FPGS: variants seen among roughly 807,000 people sequenced by gnomAD.
FPGS encodes folylpolyglutamate synthase, mitochondrial.
In FPGS, 53 loss-of-function variants were observed where a neutral mutation model predicts 66.5. That is an observed-to-expected ratio of 0.80 (90% CI 0.64 to 1.00). FPGS has a LOEUF of 1.00. Among genes scored for constraint, FPGS ranks in the 50% least tolerant of loss-of-function variants. The pLI, the probability that FPGS is intolerant of heterozygous loss-of-function variation, is 0.00. For synonymous variants in FPGS, 348 were observed against 350.9 expected (o/e 0.99, Z 0.09); for missense variants, 702 against 807.7 (o/e 0.87, Z 1.59).
At chr9:127,811,554 C>G (rs771290875) in intron 14 of FPGS, among the ~76,000 whole-genome samples, 2 of 152,144 alleles carry the variant, frequency 1.3e-5, no homozygotes, top group Non-Finnish European at 2.9e-5. Context: ...GGCACAATCT[C>G]AGCTCACTGC....
intron 4 of FPGS, among the ~76,000 whole-genome samples, chr9:127,805,760 A>G (rs1327525762): frequency 1.3e-5 from 2 of 152,208 alleles, no homozygotes; most frequent in African/African-American, 4.8e-5. Context: ...AAGGTCTCCT[A>G]GGCGGGCTGC....
intron 14 of FPGS, 66 bp from the exon 15 acceptor site, chr9:127,813,129 C>G (rs1830152084): frequency 1.2e-5 from 18 of 1,500,928 alleles, no homozygotes; most frequent in East Asian, 2.3e-5. Context: ...GCACCCGCCC[C>G]TTTCTCCACC....
intron 14 of FPGS, 95 bp downstream of exon 14, chr9:127,811,106 A>G: frequency 1.5e-6 from 1 of 662,200 alleles, no homozygotes; most frequent in Non-Finnish European, 2.7e-6. Context: ...TAGGAAATAA[A>G]TTTGTTTTAC....
chr9:127,804,795 G>T (rs1427260406), intron 4 of FPGS, 95 bp downstream of exon 4: 12 of 1,156,808 alleles, frequency 1.0e-5, no homozygotes, highest in Non-Finnish European at 1.6e-5. Context: ...TCACCCCCAG[G>T]AGGTCAGCTG....
chr9:127,808,504 G>A, intron 9 of FPGS, 54 bp from the exon 10 acceptor site: 1 of 1,603,474 alleles, frequency 6.2e-7, no homozygotes, highest in East Asian at 2.3e-5. Flanking sequence ...AGATGCAAGG[G>A]CTGACGTGGT....
At chr9:127,810,369 G>T (rs892829418) in intron 13 of FPGS, among the ~76,000 whole-genome samples, 1 of 151,942 alleles carries the variant, frequency 6.6e-6, no homozygotes, top group Non-Finnish European at 1.5e-5. Context: ...CTCTGGACTC[G>T]CTTGTCATGC....
intron 13 of FPGS, 121 bp downstream of exon 13, chr9:127,810,227 G>T: frequency 5.9e-6 from 5 of 842,792 alleles, no homozygotes; most frequent in South Asian, 4.8e-5. Context: ...ATGTGACAAG[G>T]TGCCTGTGCT....
rs572606787 is a variant in FPGS, at chr9:127,806,234, G to A, written c.387-739G>A. ...AAATACCAAAAAATTGGCTGGGCAC[G>A]GTGGCTCATGCCTGTAATCCCAGCA... On this transcript the variant is annotated intron_variant, in intron 4 of 14. Transcript: ENST00000373247. Among the ~76,000 whole-genome samples, 4 of 152,264 alleles carry A rather than the reference G, an allele frequency of 2.6e-5. No individual in the cohort carries two copies. In the East Asian group the frequency reaches 5.8e-4, roughly 22 times the overall value.
At position 127,808,263 on chromosome 9, in the gene FPGS, A is replaced by T. The variant is rs1319257807; in HGVS notation, c.774A>T (p.Gln258His). ...KQGVPAFTVL[Q>H]PEGPLAVLRD... ...GTGTCCCTGCCTTCACTGTGCTCCA[A>T]CCTGAAGGTCCCCTGGCAGTGCTGA... Residue 258 changes from glutamine (Q) to histidine (H), a missense_variant, in exon 9 of 15, where the codon CAA (glutamine) becomes CAT (histidine). By Grantham distance (24) the Gln-to-His change is conservative (BLOSUM62 0). Around this residue, in one of 3 missense-constraint regions of FPGS, gnomAD observed 240 missense variants for 348.6 expected, o/e 0.69. Coordinates refer to ENST00000373247, the MANE Select transcript of FPGS (RefSeq NM_004957.6). 1 of 1,614,024 alleles carries T rather than the reference A, an allele frequency of 6.2e-7. No individual in the cohort carries two copies. Among genetic ancestry groups the T allele is most frequent in the Non-Finnish European group, 8.5e-7 (1 of 1,179,944 alleles).
In FPGS at chr9:127,814,018, CAG is replaced by C; in HGVS notation, c.*417_*418del. On this transcript the variant is annotated 3_prime_UTR_variant, in exon 15 of 15. Transcript: ENST00000373247. ...GGCCTCTGCCTGGGACACTGCGGGA[CAG>C]AGGGTGGCTGGAGTGAATTAAAGCC... is the stretch of plus-strand genomic sequence containing the variant. The C allele has an allele frequency of 9.7e-7, 1 of 1,026,178 alleles. No homozygotes were observed. Among genetic ancestry groups the C allele is most frequent in the Non-Finnish European group, 1.2e-6 (1 of 857,318 alleles). 63.6% of individuals were successfully genotyped at this position (1,026,178 alleles called of 1,614,324 possible).
At chr9:127,810,288 C>T (rs1588561393) in intron 13 of FPGS, among the ~76,000 whole-genome samples, 182 bp downstream of exon 13, 1 of 152,266 alleles carries the variant, frequency 6.6e-6, no homozygotes, top group Non-Finnish European at 1.5e-5. Flanking sequence ...TAGGTCATTA[C>T]TCATATTCCC....
At position 127,807,101 on chromosome 9, in the gene FPGS, G is replaced by A; in HGVS notation, c.501+14G>A. The stretch of plus-strand genomic sequence containing the variant: ...GAGGAGACCAAGGTGCCGCATGCAG[G>A]AGGGCTGGCGGGTGGGTATGGTTGG... On this transcript the variant is annotated intron_variant, in intron 5 of 14. Transcript: ENST00000373247. The surrounding 1 kb of genome is among the most constrained non-coding windows in gnomAD (Gnocchi z 5.8). The A allele has an allele frequency of 6.2e-7, 1 of 1,612,518 alleles. No homozygotes were observed. Among genetic ancestry groups the A allele is most frequent in the East Asian group, 2.2e-5 (1 of 44,868 alleles).
chr9:127,813,995 C>A lies in FPGS; in HGVS notation c.*391C>A. 9.6e-7 allele frequency: 1 copy of A among 1,045,486 alleles called. No individual in the cohort carries two copies. The highest frequency in any genetic ancestry group is 1.1e-6 in the Non-Finnish European group (1 of 869,688). The allele number at this position is 1,045,486 out of a possible 1,614,324, so 64.8% of individuals were successfully genotyped here. On this transcript the variant is annotated 3_prime_UTR_variant, in exon 15 of 15. Coordinates refer to ENST00000373247, the MANE Select transcript of FPGS (RefSeq NM_004957.6). ...CAGTGCCTTCTGGGAAGGGAGAGGGCCTCTGCCTGGGACACTGCGGGACAG... is the reference window on the plus strand; with the variant it reads ...CAGTGCCTTCTGGGAAGGGAGAGGGACTCTGCCTGGGACACTGCGGGACAG...
At chr9:127,810,868 G>A in intron 13 of FPGS, 77 bp from the exon 14 acceptor site, 1 of 729,962 alleles carries the variant, frequency 1.4e-6, no homozygotes, top group Admixed American at 2.2e-5. Context: ...CCAGAGATGT[G>A]GGCGCAGGGG....
chr9:127,806,860 CGAGGGACACAG>C lies in FPGS; in HGVS notation c.387-109_387-99del, dbSNP rs955650852. 6 of 770,398 alleles carry C rather than the reference CGAGGGACACAG, an allele frequency of 7.8e-6. No homozygotes were observed. In the African/African-American group the frequency reaches 1.0e-4, roughly 13 times the overall value. 47.7% of individuals were successfully genotyped at this position (770,398 alleles called of 1,614,324 possible). A position where few individuals can be genotyped will look rare whatever the true frequency, so the allele number is the denominator to read the frequency against. On this transcript the variant is annotated intron_variant, in intron 4 of 14. Transcript: ENST00000373247. ...GGGGGATGGGGCACCAGGAACAAAC[CGAGGGACACAG>C]GAGAGATGAGGCACGGAGGCCAGTA...
intron 3 of FPGS, 30 bp from the exon 4 acceptor site, chr9:127,804,606 G>GC: frequency 6.2e-7 from 1 of 1,614,080 alleles, no homozygotes; most frequent in East Asian, 2.2e-5. Context: ...GTGGAGTAGA[G>GC]CCTGCCCAGA....
chr9:127,810,968 C>T lies in FPGS; in HGVS notation c.1311C>T (p.Val437=). Residue 437 remains valine, a synonymous_variant, in exon 14 of 15, where the codon GTC becomes GTT. Coordinates refer to ENST00000373247, the MANE Select transcript of FPGS (RefSeq NM_004957.6). ...LLQPCQFDYA[V]FCPNLTEVSS... Reference sequence around the variant, plus strand: ...AGCCCTGCCAGTTTGACTATGCCGTCTTCTGCCCTAACCTGACAGAGGTGT... The same window carrying T: ...AGCCCTGCCAGTTTGACTATGCCGTTTTCTGCCCTAACCTGACAGAGGTGT... 5 of 1,585,258 alleles carry T rather than the reference C, an allele frequency of 3.2e-6. No individual in the cohort carries two copies. Among genetic ancestry groups the T allele is most frequent in the Non-Finnish European group, 4.3e-6 (5 of 1,163,546 alleles).
intron 4 of FPGS, among the ~76,000 whole-genome samples, chr9:127,805,747 G>A (rs981739380): frequency 1.1e-4 from 16 of 152,222 alleles, no homozygotes; most frequent in African/African-American, 2.9e-4. Context: ...TGCCATCCAC[G>A]TTAAGGTCTC....
At chr9:127,811,542 G>C (rs947504243) in intron 14 of FPGS, among the ~76,000 whole-genome samples, 4 of 151,986 alleles carry the variant, frequency 2.6e-5, no homozygotes, top group African/African-American at 9.7e-5. Flanking sequence ...CTGGAATATA[G>C]TGGCACAATC....
Sources: gnomAD v4.1 joint callset for allele counts (sites outside exome capture counted in the v4.1 genomes callset) on GRCh38, gnomAD v4.1.1 for gene constraint, gnomAD v4.1.1 regional missense constraint, Gnocchi (gnomAD v3.1) non-coding constraint, MANE v1.5 for transcripts, NCBI Gene and HGNC (gene_info 2026-07-23, HGNC 2026-07-21) for gene names.